Variants in UBE2H observed in about 807,000 individuals in gnomAD.
The protein encoded by UBE2H is ubiquitin conjugating enzyme E2 H.
Under a neutral mutation model 29.0 loss-of-function variants are expected in UBE2H, and 3 were observed. That is an observed-to-expected ratio of 0.10 (90% CI 0.05 to 0.27). The LOEUF (loss-of-function observed/expected upper bound fraction) is 0.27. UBE2H is among the 10% of genes least tolerant of loss of function. UBE2H has a pLI of 1.00. For missense variants in UBE2H, 68 were observed against 228.2 expected (o/e 0.30, Z 4.52); for synonymous variants, 69 against 82.9 (o/e 0.83, Z 0.91).
intron 1 of UBE2H, among the ~76,000 whole-genome samples, chr7:129,936,881 G>C (rs1001187485): frequency 6.6e-6 from 1 of 151,624 alleles, no homozygotes; most frequent in Non-Finnish European, 1.5e-5. Context: ...AGGAGGCTGA[G>C]GCAGGAAAAT....
chr7:129,950,072 G>A (rs1807844639), intron 1 of UBE2H, among the ~76,000 whole-genome samples: 1 of 152,232 alleles, frequency 6.6e-6, no homozygotes, highest in South Asian at 2.1e-4. Context: ...AAAATTGTTG[G>A]CTCCATTTGG....
intron 1 of UBE2H, among the ~76,000 whole-genome samples, chr7:129,892,351 A>G (rs1806513287): frequency 6.6e-6 from 1 of 152,042 alleles, no homozygotes; most frequent in African/African-American, 2.4e-5. Context: ...TCCTGGGTTC[A>G]AGCGATTCTC....
At chr7:129,880,205 CA>C (rs927047632) in intron 2 of UBE2H, among the ~76,000 whole-genome samples, 3 of 151,668 alleles carry the variant, frequency 2.0e-5, no homozygotes, top group African/African-American at 4.8e-5. Flanking sequence ...AAAAATAACA[CA>C]AAAAAAATAC....
intron 1 of UBE2H, among the ~76,000 whole-genome samples, chr7:129,926,798 C>T (rs1807279363): frequency 6.6e-6 from 1 of 152,134 alleles, no homozygotes; most frequent in Non-Finnish European, 1.5e-5. Context: ...AGGTATGGCC[C>T]TACTGGTTGC....
intron 1 of UBE2H, among the ~76,000 whole-genome samples, chr7:129,939,724 C>T (rs1218768619): frequency 6.6e-6 from 1 of 152,108 alleles, no homozygotes; most frequent in East Asian, 1.9e-4. Context: ...CTTTGGGAGG[C>T]CAAAGCAGGT....
intron 1 of UBE2H, among the ~76,000 whole-genome samples, chr7:129,931,451 T>C (rs188498347): frequency 7.2e-5 from 11 of 152,232 alleles, no homozygotes; most frequent in Admixed American, 2.6e-4. Flanking sequence ...TTTACCATTT[T>C]AGAAACACAA....
intron 3 of UBE2H, among the ~76,000 whole-genome samples, chr7:129,869,364 C>A (rs1563028296): frequency 6.6e-6 from 1 of 152,116 alleles, no homozygotes; most frequent in Non-Finnish European, 1.5e-5. Context: ...ATTTAGACAT[C>A]TCCTATCCTA....
chr7:129,845,515 T>C (rs1805496911), intron 5 of UBE2H, among the ~76,000 whole-genome samples: 1 of 152,238 alleles, frequency 6.6e-6, no homozygotes, highest in Non-Finnish European at 1.5e-5. Flanking sequence ...TGCACACTGC[T>C]GTTACCACTG....
chr7:129,938,851 T>G (rs1807586138), intron 1 of UBE2H, among the ~76,000 whole-genome samples: 1 of 151,808 alleles, frequency 6.6e-6, no homozygotes, highest in Non-Finnish European at 1.5e-5. Flanking sequence ...CAGGCTGGAG[T>G]GCAGTGATGC....
chr7:129,935,595 A>G (rs1331681598), intron 1 of UBE2H, among the ~76,000 whole-genome samples: 1 of 152,296 alleles, frequency 6.6e-6, no homozygotes, highest in East Asian at 1.9e-4. Flanking sequence ...CACCTTAAGA[A>G]AAGATGCAAT....
intron 5 of UBE2H, among the ~76,000 whole-genome samples, chr7:129,852,558 C>CT (rs1364541431): frequency 1.3e-5 from 2 of 152,160 alleles, no homozygotes; most frequent in African/African-American, 4.8e-5. Context: ...CTGTTACTAA[C>CT]TCCCCAGATA....
intron 1 of UBE2H, among the ~76,000 whole-genome samples, chr7:129,918,333 TGAAA>T (rs1269016015): frequency 1.3e-5 from 2 of 151,810 alleles, no homozygotes; most frequent in African/African-American, 4.8e-5. Flanking sequence ...AGTATCCTCA[TGAAA>T]GACATTGTCC....
At chr7:129,878,477 A>G (rs1221263865) in intron 3 of UBE2H, among the ~76,000 whole-genome samples, 1 of 151,946 alleles carries the variant, frequency 6.6e-6, no homozygotes, top group Non-Finnish European at 1.5e-5. Context: ...AGGTCAGGAG[A>G]TCAAGACCAT....
At chr7:129,854,174 A>G (rs1159277192) in intron 5 of UBE2H, among the ~76,000 whole-genome samples, 1 of 149,652 alleles carries the variant, frequency 6.7e-6, no homozygotes, top group African/African-American at 2.5e-5. Flanking sequence ...CTCACCAATT[A>G]TGAACTAACC....
chr7:129,844,736 T>C (rs1805483230), intron 5 of UBE2H, among the ~76,000 whole-genome samples: 1 of 152,324 alleles, frequency 6.6e-6, no homozygotes, highest in Non-Finnish European at 1.5e-5. Context: ...AACCAAAATG[T>C]GGTTCATTAG....
At chr7:129,918,331 C>T (rs1807085125) in intron 1 of UBE2H, among the ~76,000 whole-genome samples, 1 of 151,558 alleles carries the variant, frequency 6.6e-6, no homozygotes, top group South Asian at 2.1e-4. Context: ...AAAGTATCCT[C>T]ATGAAAGACA....
intron 3 of UBE2H, among the ~76,000 whole-genome samples, chr7:129,875,647 T>C (rs1443248678): frequency 2.0e-5 from 3 of 152,244 alleles, no homozygotes; most frequent in Admixed American, 6.5e-5. Context: ...CTGCATTCTT[T>C]TGGATTAGAC....
chr7:129,935,218 T>G (rs530858940), intron 1 of UBE2H, among the ~76,000 whole-genome samples: 4 of 148,916 alleles, frequency 2.7e-5, no homozygotes, highest in East Asian at 3.9e-4. Flanking sequence ...AGGTCAGGAG[T>G]TCAAGACCAA....
chr7:129,892,283 C>T (rs554438356), intron 1 of UBE2H, among the ~76,000 whole-genome samples: 1 of 148,960 alleles, frequency 6.7e-6, no homozygotes, highest in East Asian at 2.0e-4. Flanking sequence ...TGGAGTCTTG[C>T]TCCCATCGCA....
Sources: allele counts gnomAD v4.1 joint callset (sites outside exome capture counted in the v4.1 genomes callset), GRCh38; gene constraint gnomAD v4.1.1; transcripts MANE v1.5; gene names NCBI Gene and HGNC (gene_info 2026-07-23, HGNC 2026-07-21).